The following AP1AR variants were observed in gnomAD, a reference collection of about 807,000 sequenced individuals.
AP1AR encodes AP-1 complex-associated regulatory protein.
AP1AR carries 29 observed loss-of-function variants against 46.3 expected under a neutral mutation model. The observed-to-expected ratio is 0.63, with a 90% CI of 0.47 to 0.85. The LOEUF is 0.85. AP1AR is among the 40% of genes least tolerant of loss of function. The probability of loss-of-function intolerance (pLI) is 0.00; values close to 1 mark genes in which losing one functional copy is unlikely to be tolerated. For missense variants in AP1AR, 357 were observed against 356.3 expected (o/e 1.00, Z -0.02); for synonymous variants, 122 against 122.9 (o/e 0.99, Z 0.05).
chr4:112,250,641 A>G (rs1224194540), intron 1 of AP1AR, among the ~76,000 whole-genome samples: 3 of 152,202 alleles, frequency 2.0e-5, no homozygotes, highest in Admixed American at 6.5e-5. Context: ...AAGTCACAGG[A>G]TAAAGCTCCC....
At chr4:112,256,374 G>C (rs940498478) in intron 3 of AP1AR, among the ~76,000 whole-genome samples, 4 of 152,182 alleles carry the variant, frequency 2.6e-5, no homozygotes, top group African/African-American at 9.6e-5. Flanking sequence ...CACTGGACAT[G>C]ATATTTTTAA....
rs188114665 is a variant in AP1AR at position 112,272,199 on chromosome 4, T to G, written c.*3790T>G. 6.6e-6 allele frequency among the ~76,000 whole-genome samples: 1 copy of G among 152,230 alleles called. No individual in the cohort carries two copies. The highest frequency in any genetic ancestry group is 1.5e-5 in the Non-Finnish European group (1 of 68,020). On this transcript the variant is annotated 3_prime_UTR_variant, in exon 10 of 10. Coordinates refer to ENST00000274000, the MANE Select transcript of AP1AR (RefSeq NM_018569.6). The stretch of plus-strand genomic sequence containing the variant: ...GGGATGTGGAGTTATAGAAGGGTTT[T>G]TATTTAAAAGATACTAGCTTTAGAG...
intron 1 of AP1AR, among the ~76,000 whole-genome samples, chr4:112,237,933 T>C (rs1725324189): frequency 6.6e-6 from 1 of 152,230 alleles, no homozygotes; most frequent in Admixed American, 6.5e-5. Flanking sequence ...TGGCAAACTT[T>C]TTCTGTAATG....
At chr4:112,267,747 A>G (rs1211786931) in intron 9 of AP1AR, among the ~76,000 whole-genome samples, 1 of 151,956 alleles carries the variant, frequency 6.6e-6, no homozygotes, top group Non-Finnish European at 1.5e-5. Context: ...AGTACATGTT[A>G]TCATTAGAGT....
At chr4:112,267,768 C>T (rs1219639128) in intron 9 of AP1AR, among the ~76,000 whole-genome samples, 1 of 151,844 alleles carries the variant, frequency 6.6e-6, no homozygotes, top group Non-Finnish European at 1.5e-5. Flanking sequence ...GATTGTCATT[C>T]TCTGGGAAAT....
chr4:112,235,083 A>T (rs1725183417), intron 1 of AP1AR, among the ~76,000 whole-genome samples: 1 of 152,192 alleles, frequency 6.6e-6, no homozygotes, highest in South Asian at 2.1e-4. Context: ...CCTACTACTA[A>T]TGAAGTCATT....
intron 4 of AP1AR, 95 bp from the exon 5 acceptor site, chr4:112,260,671 T>C: frequency 1.3e-6 from 1 of 754,242 alleles, no homozygotes; most frequent in Non-Finnish European, 2.0e-6. Flanking sequence ...CAGCAAAATT[T>C]GAGAATTTCA....
intron 1 of AP1AR, among the ~76,000 whole-genome samples, chr4:112,238,888 C>T (rs113974161): frequency 0.024 from 3,684 of 152,222 alleles, 73 homozygotes; most frequent in Middle Eastern, 0.037. Context: ...ATAGCCCTTT[C>T]CTCCTTTTTC....
intron 7 of AP1AR, among the ~76,000 whole-genome samples, 160 bp from the exon 8 acceptor site, chr4:112,265,574 A>C (rs1726666001): frequency 6.6e-6 from 1 of 151,950 alleles, no homozygotes; most frequent in Non-Finnish European, 1.5e-5. Flanking sequence ...TTTAGTATTA[A>C]GAAAATTAAG....
intron 1 of AP1AR, among the ~76,000 whole-genome samples, chr4:112,232,700 G>C (rs1039914828): frequency 6.6e-6 from 1 of 151,954 alleles, no homozygotes; most frequent in Non-Finnish European, 1.5e-5. Context: ...TAGCTACAAA[G>C]ACTTGCTGAA....
At position 112,272,694 on chromosome 4, in the gene AP1AR, CTT is replaced by C. The variant is rs1479270799; in HGVS notation, c.*4286_*4287del. Among the ~76,000 whole-genome samples the C allele has an allele frequency of 1.3e-5, 2 of 152,146 alleles. No individual in the cohort carries two copies. On this transcript the variant is annotated 3_prime_UTR_variant, in exon 10 of 10. Coordinates refer to ENST00000274000, the MANE Select transcript of AP1AR (RefSeq NM_018569.6). ...GTACTTTTTTTTGCTTCAATAAACT[CTT>C]GTTTCTGCCTTAAATATAATTCTGT... is the stretch of plus-strand genomic sequence containing the variant.
In AP1AR at chr4:112,259,528, C is replaced by T. The variant is rs558109250; in HGVS notation, c.186-1238C>T. ...AGGCACATAGTAAGTGCTAGGTATG[C>T]TGACTATTGATATTATACATTTAAT... On this transcript the variant is annotated intron_variant, in intron 4 of 9. Transcript: ENST00000274000. Among the ~76,000 whole-genome samples the T allele has an allele frequency of 2.0e-5, 3 of 152,198 alleles. No individual in the cohort carries two copies. The South Asian group carries it at 6.2e-4, about 32-fold the overall frequency.
chr4:112,253,894 A>G (rs1284682633), intron 2 of AP1AR, among the ~76,000 whole-genome samples: 1 of 152,200 alleles, frequency 6.6e-6, no homozygotes, highest in East Asian at 1.9e-4. Context: ...ACTGTACTTT[A>G]TGGCCTTCTA....
intron 1 of AP1AR, among the ~76,000 whole-genome samples, chr4:112,242,421 A>G (rs1338877015): frequency 6.7e-6 from 1 of 150,132 alleles, no homozygotes; most frequent in Non-Finnish European, 1.5e-5. Flanking sequence ...GTCGACATAA[A>G]GGAATATCTG....
At position 112,249,530 on chromosome 4, in the gene AP1AR, G is replaced by A. The variant is rs189807876; in HGVS notation, c.84-3678G>A. 7.2e-5 allele frequency among the ~76,000 whole-genome samples: 11 copies of A among 151,790 alleles called. No homozygotes were observed. The South Asian group carries it at 8.3e-4, about 11-fold the overall frequency. On this transcript the variant is annotated intron_variant, in intron 1 of 9. Coordinates refer to ENST00000274000, the MANE Select transcript of AP1AR (RefSeq NM_018569.6). ...AAATTAGCCGGGTGTGGTGGTGGGC[G>A]CCTGTAATTCCAGCTACTTGGGAGG...
intron 1 of AP1AR, among the ~76,000 whole-genome samples, chr4:112,234,248 A>G (rs913007606): frequency 6.6e-6 from 1 of 152,228 alleles, no homozygotes. Flanking sequence ...ATACTGGTGT[A>G]GTATCTGAAA....
chr4:112,254,558 C>T (rs918321659), intron 2 of AP1AR, among the ~76,000 whole-genome samples, 189 bp from the exon 3 acceptor site: 50 of 152,088 alleles, frequency 3.3e-4, no homozygotes, highest in African/African-American at 1.1e-3. Flanking sequence ...ATAGTATATG[C>T]TTGTCTTGGC....
Position 112,262,018 on chromosome 4 carries a change from A to G in AP1AR, c.283-970A>G, listed in dbSNP as rs565426052. On this transcript the variant is annotated intron_variant, in intron 5 of 9. Coordinates refer to ENST00000274000, the MANE Select transcript of AP1AR (RefSeq NM_018569.6). The stretch of plus-strand genomic sequence containing the variant: ...CACATATACATACATACATATACAT[A>G]TATTTGTCTGTTTAATGTGGGTATG... 3.9e-5 allele frequency among the ~76,000 whole-genome samples: 6 copies of G among 151,952 alleles called. No individual in the cohort carries two copies. In the South Asian group the frequency reaches 1.2e-3, roughly 32 times the overall value.
rs1293249590 is a variant in AP1AR at position 112,259,244 on chromosome 4, C to CAGAGGT, written c.185+1451_185+1456dup. ...GCTAGAGTTATTGGAGTTATGGGAG[C>CAGAGGT]AGAGGTAGACTGCAGCGAGTTGACA... On this transcript the variant is annotated intron_variant, in intron 4 of 9. Transcript: ENST00000274000. 7.2e-5 allele frequency among the ~76,000 whole-genome samples: 11 copies of CAGAGGT among 152,234 alleles called. No homozygotes were observed. In the East Asian group the frequency reaches 2.1e-3, roughly 29 times the overall value.
Sources: gnomAD v4.1 joint callset for allele counts (sites outside exome capture counted in the v4.1 genomes callset) on GRCh38, gnomAD v4.1.1 for gene constraint, MANE v1.5 for transcripts, NCBI Gene and HGNC (gene_info 2026-07-23, HGNC 2026-07-21) for gene names.